The following ADAM2 variants were observed in gnomAD, a reference collection of about 807,000 sequenced individuals.
The protein encoded by ADAM2 is ADAM metallopeptidase domain 2, also known as disintegrin and metalloproteinase domain-containing protein 2.
In ADAM2, 101 loss-of-function variants were observed where a neutral mutation model predicts 99.3. The ratio of observed to expected loss-of-function variants is 1.02; its 90% CI spans 0.87 to 1.20. The LOEUF is 1.20. Among genes scored for constraint, ADAM2 ranks in the 50% most tolerant of loss-of-function variants. The pLI, the probability that ADAM2 is intolerant of heterozygous loss-of-function variation, is 0.00. For missense variants in ADAM2, 948 were observed against 878.7 expected, an observed-to-expected ratio of 1.08 and a Z score of -1.00; for synonymous variants, 323 against 287.6, an observed-to-expected ratio of 1.12 and a Z score of -1.25.
intron 6 of ADAM2, among the ~76,000 whole-genome samples, chr8:39,817,438 T>C (rs1259494700): frequency 6.6e-6 from 1 of 152,152 alleles, no homozygotes; most frequent in African/African-American, 2.4e-5. Context: ...AGGGTGACTA[T>C]AGTTAACAAT....
intron 3 of ADAM2, among the ~76,000 whole-genome samples, chr8:39,830,493 T>C (rs1436569495): frequency 6.6e-6 from 1 of 152,108 alleles, no homozygotes; most frequent in East Asian, 1.9e-4. Context: ...TGCCAAAAAA[T>C]TTCCTGATTT....
chr8:39,814,673 C>CAGAT (rs1298821160), intron 6 of ADAM2, among the ~76,000 whole-genome samples: 6 of 152,042 alleles, frequency 3.9e-5, no homozygotes, highest in African/African-American at 1.4e-4. Context: ...AATAAATAGA[C>CAGAT]AGATAGATAG....
chr8:39,833,418 C>T (rs1162010137), intron 3 of ADAM2, among the ~76,000 whole-genome samples: 4 of 151,984 alleles, frequency 2.6e-5, no homozygotes, highest in Non-Finnish European at 4.4e-5. Context: ...AGAATCATTT[C>T]AATTTTCACT....
At chr8:39,789,088 T>C (rs921852843) in intron 7 of ADAM2, among the ~76,000 whole-genome samples, 2 of 151,608 alleles carry the variant, frequency 1.3e-5, no homozygotes, top group African/African-American at 4.8e-5. Context: ...TAGTACATTT[T>C]TGAAGATACA....
At chr8:39,763,129 A>G (rs947605170) in intron 14 of ADAM2, among the ~76,000 whole-genome samples, 5 of 152,194 alleles carry the variant, frequency 3.3e-5, no homozygotes, top group Non-Finnish European at 5.9e-5. Context: ...TAAATATTTT[A>G]TCTAAACTTT....
At chr8:39,780,654 G>A (rs1803181779) in intron 10 of ADAM2, among the ~76,000 whole-genome samples, 1 of 151,970 alleles carries the variant, frequency 6.6e-6, no homozygotes, top group South Asian at 2.1e-4. Context: ...TATTTCAGTA[G>A]ATTTTTAGAA....
At chr8:39,808,329 TA>T (rs1175353316) in intron 7 of ADAM2, among the ~76,000 whole-genome samples, 1 of 151,856 alleles carries the variant, frequency 6.6e-6, no homozygotes, top group Non-Finnish European at 1.5e-5. Flanking sequence ...GAAGTAATCA[TA>T]TTAGAAACAA....
At chr8:39,767,481 G>A (rs1423820484) in intron 12 of ADAM2, among the ~76,000 whole-genome samples, 1 of 152,180 alleles carries the variant, frequency 6.6e-6, no homozygotes, top group Non-Finnish European at 1.5e-5. Context: ...TGGTTACACT[G>A]ATAAAAGGAT....
intron 7 of ADAM2, among the ~76,000 whole-genome samples, chr8:39,802,160 G>A (rs1230593507): frequency 1.3e-5 from 2 of 152,202 alleles, no homozygotes; most frequent in East Asian, 1.9e-4. Flanking sequence ...TCACAGTTCC[G>A]TGGGAAAAGC....
chr8:39,794,442 G>A (rs1210896982), intron 7 of ADAM2, among the ~76,000 whole-genome samples: 1 of 151,964 alleles, frequency 6.6e-6, no homozygotes, highest in Non-Finnish European at 1.5e-5. Flanking sequence ...AATAAGGGAG[G>A]AGACCACCCC....
In ADAM2 at chr8:39,766,949, T is replaced by C. The variant is rs1288618195; in HGVS notation, c.1406A>G (p.His469Arg). 1.2e-6 allele frequency: 2 copies of C among 1,613,994 alleles called. No individual in the cohort carries two copies. The highest frequency in any genetic ancestry group is 2.2e-5 in the East Asian group (1 of 44,890). The stretch of plus-strand genomic sequence containing the variant: ...ACACGGATGCCCAGTCTGAACATAG[T>C]GGTTTTCTGGGCATGATGCAGATGA... The part of the protein sequence containing the change: ...NGSSASCPEN[H>R]YVQTGHPCGL... The change falls in exon 14 of 21, where the codon CAC becomes CGC. Residue 469 changes from histidine (H) to arginine (R), a missense_variant. By Grantham distance (29) the His-to-Arg change is conservative. Coordinates refer to ENST00000265708, the MANE Select transcript of ADAM2 (RefSeq NM_001464.5).
At chr8:39,771,822 T>G (rs986671344) in intron 11 of ADAM2, among the ~76,000 whole-genome samples, 1 of 151,936 alleles carries the variant, frequency 6.6e-6, no homozygotes, top group African/African-American at 2.4e-5. Flanking sequence ...AGAAAAAAAC[T>G]GATAGAAATT....
chr8:39,790,728 C>A (rs1478507850), intron 7 of ADAM2, among the ~76,000 whole-genome samples: 1 of 151,742 alleles, frequency 6.6e-6, no homozygotes. Flanking sequence ...AAAACAACAT[C>A]AAAAAAGAAG....
chr8:39,782,638 C>A (rs1047856605), intron 10 of ADAM2, among the ~76,000 whole-genome samples: 11 of 151,978 alleles, frequency 7.2e-5, no homozygotes, highest in African/African-American at 2.7e-4. Context: ...AAATTTTATC[C>A]ATATTTATTG....
intron 3 of ADAM2, among the ~76,000 whole-genome samples, chr8:39,825,188 A>G (rs1270218965): frequency 6.6e-6 from 1 of 152,164 alleles, no homozygotes; most frequent in Non-Finnish European, 1.5e-5. Flanking sequence ...AACATAGTTC[A>G]TTGTTCTCCA....
chr8:39,760,757 T>A (rs1459310159), intron 15 of ADAM2, among the ~76,000 whole-genome samples: 4 of 151,650 alleles, frequency 2.6e-5, no homozygotes, highest in South Asian at 2.1e-4. Flanking sequence ...AAACACATTT[T>A]GCTCCTTAAG....
At chr8:39,799,951 C>T (rs1804132615) in intron 7 of ADAM2, among the ~76,000 whole-genome samples, 1 of 152,200 alleles carries the variant, frequency 6.6e-6, no homozygotes, top group South Asian at 2.1e-4. Context: ...CTGAGTACAG[C>T]ACACCAATGA....
At chr8:39,837,634 C>A (rs1469110042) in intron 1 of ADAM2, among the ~76,000 whole-genome samples, 1 of 152,082 alleles carries the variant, frequency 6.6e-6, no homozygotes, top group Non-Finnish European at 1.5e-5. Context: ...ATACGCCTTC[C>A]TCAGCCTCCC....
chr8:39,774,514 A>G (rs1288774470), intron 11 of ADAM2: 2 of 152,040 alleles, frequency 1.3e-5, no homozygotes, highest in African/African-American at 4.8e-5. Context: ...CTTGTCACAA[A>G]CAATTGCAAA....
Sources: gnomAD v4.1 joint callset for allele counts (sites outside exome capture counted in the v4.1 genomes callset) on GRCh38, gnomAD v4.1.1 for gene constraint, MANE v1.5 for transcripts, NCBI Gene and HGNC (gene_info 2026-07-23, HGNC 2026-07-21) for gene names.